Variants in ATXN7 observed in about 807,000 individuals in gnomAD.
ATXN7 encodes ataxin-7.
Under a neutral mutation model 70.5 loss-of-function variants are expected in ATXN7, and 12 were observed. The ratio of observed to expected loss-of-function variants is 0.17; its 90% CI spans 0.11 to 0.28. ATXN7 has a LOEUF of 0.28. Ranked by LOEUF, ATXN7 falls within the 10% of genes least tolerant of loss-of-function variation. ATXN7 has a pLI of 1.00. For synonymous variants in ATXN7, 498 were observed against 448.7 expected (o/e 1.11, Z -1.39); for missense variants, 1,256 against 1,131.7 (o/e 1.11, Z -1.58).
chr3:63,891,300 G>T (rs903935460), intron 1 of ATXN7, among the ~76,000 whole-genome samples: 14 of 147,846 alleles, frequency 9.5e-5, no homozygotes, highest in African/African-American at 3.0e-4. Flanking sequence ...TGAGCGACGA[G>T]CGACTGCACC....
Position 63,912,933 on chromosome 3 carries a change from C to T in ATXN7, c.325+10C>T, listed in dbSNP as rs1704106178. 3 of 1,607,648 alleles carry T rather than the reference C, an allele frequency of 1.9e-6. No homozygotes were observed. Among genetic ancestry groups the T allele is most frequent in the African/African-American group, 1.3e-5 (1 of 74,502 alleles). ...CTTCCTGGGAAGGACGGTGAGTGTC[C>T]ACGCCCTCCTCCCCCCTTCACCCCC... On this transcript the variant is annotated intron_variant, in intron 3 of 12. Transcript: ENST00000674280.
At chr3:63,869,279 G>A (rs1702527348) in intron 1 of ATXN7, among the ~76,000 whole-genome samples, 3 of 152,142 alleles carry the variant, frequency 2.0e-5, no homozygotes. Flanking sequence ...TGAGTCTAGA[G>A]GAGATGACCA....
chr3:63,883,694 T>A (rs1396753116), intron 1 of ATXN7, among the ~76,000 whole-genome samples: 4 of 152,146 alleles, frequency 2.6e-5, no homozygotes, highest in Non-Finnish European at 5.9e-5. Flanking sequence ...CCAGATCTGA[T>A]TGATATTTCT....
In ATXN7 at chr3:63,951,687, A is replaced by T. The variant is rs71298694; in HGVS notation, c.395-692A>T. Among the ~76,000 whole-genome samples, 1,030 of 152,296 alleles carry T rather than the reference A, an allele frequency of 6.8e-3. 6 individuals carry two copies. The highest frequency in any genetic ancestry group is 7.7e-3 in the Non-Finnish European group (527 of 68,014). ...CAAGTTACTTTCAGTTTTCATGTAT[A>T]TGCAGACAGTTTAGTTTTACTTTTG... On this transcript the variant is annotated intron_variant, in intron 4 of 12. Transcript: ENST00000674280.
In ATXN7 at chr3:63,990,802, G is replaced by C. The variant is rs370189575; in HGVS notation, c.1625G>C (p.Arg542Pro). 7 of 1,614,200 alleles carry C rather than the reference G, an allele frequency of 4.3e-6. No homozygotes were observed. Among genetic ancestry groups the C allele is most frequent in the South Asian group, 1.1e-5 (1 of 91,074 alleles). Residue 542 changes from arginine (R) to proline (P), a missense_variant, in exon 11 of 13, where the codon CGA becomes CCA. Arg to Pro is a moderately radical substitution (Grantham distance 103, BLOSUM62 -2). Coordinates refer to ENST00000674280, the MANE Select transcript of ATXN7 (RefSeq NM_001377405.1). ...TACGTGTTTGACTCCAGGTGGAATCGACTTCGCTGCGCCCTCAACCTCATG... is the reference window on the plus strand; with the variant it reads ...TACGTGTTTGACTCCAGGTGGAATCCACTTCGCTGCGCCCTCAACCTCATG... ...GYYVFDSRWN[R>P]LRCALNLMVE...
At chr3:63,910,609 T>C (rs1703978808) in intron 2 of ATXN7, among the ~76,000 whole-genome samples, 3 of 152,152 alleles carry the variant, frequency 2.0e-5, no homozygotes. Flanking sequence ...AAGGGAATTA[T>C]ATGTTTTACT....
chr3:63,875,432 C>T (rs893479246), intron 1 of ATXN7, among the ~76,000 whole-genome samples: 15 of 152,060 alleles, frequency 9.9e-5, no homozygotes, highest in Admixed American at 5.2e-4. Context: ...ATAAACATTC[C>T]GACCATGACA....
At chr3:63,976,842 C>A (rs1382666983) in intron 5 of ATXN7, among the ~76,000 whole-genome samples, 1 of 152,140 alleles carries the variant, frequency 6.6e-6, no homozygotes, top group African/African-American at 2.4e-5. Context: ...GTGACACACA[C>A]AGAAAAACAT....
chr3:63,992,596 A>G (rs984516692), intron 11 of ATXN7, among the ~76,000 whole-genome samples: 1 of 152,190 alleles, frequency 6.6e-6, no homozygotes, highest in Non-Finnish European at 1.5e-5. Context: ...AGATAGTTTC[A>G]GTTCCTAGTG....
intron 5 of ATXN7, among the ~76,000 whole-genome samples, chr3:63,977,383 C>T (rs1016542852): frequency 1.3e-5 from 2 of 152,136 alleles, no homozygotes; most frequent in African/African-American, 4.8e-5. Flanking sequence ...TGCTCTGAGA[C>T]ACCTGCTTGA....
chr3:63,913,261 C>T (rs927750333), intron 4 of ATXN7, 36 bp downstream of exon 4: 4 of 1,590,394 alleles, frequency 2.5e-6, no homozygotes, highest in East Asian at 4.5e-5. Flanking sequence ...TTGTACAAAC[C>T]CCTGGGAAGT....
At chr3:63,915,206 A>G (rs965654478) in intron 4 of ATXN7, among the ~76,000 whole-genome samples, 2 of 152,134 alleles carry the variant, frequency 1.3e-5, no homozygotes, top group African/African-American at 4.8e-5. Context: ...AAGTGCTGGG[A>G]TTACAGGTGT....
At chr3:63,919,737 C>T (rs1255040985) in intron 4 of ATXN7, among the ~76,000 whole-genome samples, 1 of 140,882 alleles carries the variant, frequency 7.1e-6, no homozygotes, top group East Asian at 2.2e-4. Flanking sequence ...TCTCCTAATG[C>T]TATCCCTCCC....
In ATXN7 at chr3:63,968,036, G is replaced by A. The variant is rs187292989; in HGVS notation, c.500-11879G>A. On this transcript the variant is annotated intron_variant, in intron 5 of 12. Coordinates refer to ENST00000674280, the MANE Select transcript of ATXN7 (RefSeq NM_001377405.1). ...TGGCTCAGGGCCCAGCTCTGGATGAGCCTGTGGACGGTGGGGTAGGTCTTT... is the reference window on the plus strand; with the variant it reads ...TGGCTCAGGGCCCAGCTCTGGATGAACCTGTGGACGGTGGGGTAGGTCTTT... 698 of 1,354,370 alleles carry A rather than the reference G, an allele frequency of 5.2e-4. 4 individuals are homozygous for A. The African/African-American group carries it at 9.1e-3, about 18-fold the overall frequency. The allele number at this position is 1,354,370 out of a possible 1,614,324, so 83.9% of individuals were successfully genotyped here.
chr3:63,925,548 C>A (rs970241635), intron 4 of ATXN7, among the ~76,000 whole-genome samples: 2 of 152,094 alleles, frequency 1.3e-5, no homozygotes, highest in Non-Finnish European at 2.9e-5. Flanking sequence ...TTCCCCTGAC[C>A]CCCCCAACCC....
chr3:63,905,728 A>G (rs575099009), intron 2 of ATXN7: 1 of 152,134 alleles, frequency 6.6e-6, no homozygotes, highest in South Asian at 2.1e-4. Context: ...CCCCTTTTCT[A>G]CTCCTGAAGT....
intron 8 of ATXN7, 97 bp downstream of exon 8, chr3:63,983,118 A>T: frequency 1.0e-6 from 1 of 996,572 alleles, no homozygotes; most frequent in South Asian, 1.3e-5. Context: ...CCCAGAGAAG[A>T]TGCTCTGTGG....
upstream of ATXN7, chr3:63,863,379 C>G (rs949637788): frequency 4.9e-5 from 47 of 966,944 alleles, no homozygotes; most frequent in Non-Finnish European, 5.5e-5. Flanking sequence ...TTCGCGGCTC[C>G]TGGGTCCTCA....
At chr3:63,992,335 C>T (rs2106792759) in intron 11 of ATXN7, among the ~76,000 whole-genome samples, 1 of 152,290 alleles carries the variant, frequency 6.6e-6, no homozygotes, top group South Asian at 2.1e-4. Context: ...TATGAAGGAA[C>T]ATTGTCCCTG....
Sources: gnomAD v4.1 joint callset for allele counts (sites outside exome capture counted in the v4.1 genomes callset) on GRCh38, gnomAD v4.1.1 for gene constraint, MANE v1.5 for transcripts, NCBI Gene and HGNC (gene_info 2026-07-23, HGNC 2026-07-21) for gene names.